GRID1: variants seen among roughly 807,000 people sequenced by gnomAD.
GRID1 encodes the protein glutamate ionotropic receptor delta type subunit 1, also known as glutamate receptor ionotropic, delta-1.
A neutral mutation model predicts 98.0 loss-of-function variants in GRID1; 28 were observed. The ratio of observed to expected loss-of-function variants is 0.29; its 90% CI spans 0.21 to 0.39. GRID1 has a LOEUF of 0.39. GRID1 is among the 10% of genes least tolerant of loss of function. The pLI is 1.00. For missense variants in GRID1, 1,111 were observed against 1,340.5 expected, an observed-to-expected ratio of 0.83 and a Z score of 2.67; for synonymous variants, 553 against 538.5, an observed-to-expected ratio of 1.03 and a Z score of -0.37.
chr10:86,196,881 T>C (rs770783353), intron 3 of GRID1, among the ~76,000 whole-genome samples: 4 of 151,776 alleles, frequency 2.6e-5, no homozygotes, highest in East Asian at 1.9e-4. Context: ...ACTGCTGTAA[T>C]TGGTAAACTC....
intron 4 of GRID1, among the ~76,000 whole-genome samples, chr10:85,939,467 T>A (rs1286795192): frequency 6.6e-6 from 1 of 152,216 alleles, no homozygotes; most frequent in East Asian, 1.9e-4. Context: ...CTAGAGGCCC[T>A]AGGATAGAGT....
At chr10:85,945,527 A>G (rs1484753703) in intron 4 of GRID1, among the ~76,000 whole-genome samples, 1 of 152,166 alleles carries the variant, frequency 6.6e-6, no homozygotes, top group Non-Finnish European at 1.5e-5. Flanking sequence ...TTGCTTCCTC[A>G]ATCTTAGCAA....
chr10:85,641,677 G>A (rs553154593), intron 13 of GRID1, among the ~76,000 whole-genome samples: 1 of 152,176 alleles, frequency 6.6e-6, no homozygotes, highest in Admixed American at 6.5e-5. Context: ...TCAAGTAGTC[G>A]GTTTCAGATG....
chr10:86,004,614 T>C (rs1160048868), intron 4 of GRID1, among the ~76,000 whole-genome samples: 1 of 152,308 alleles, frequency 6.6e-6, no homozygotes, highest in East Asian at 1.9e-4. Context: ...TCTGCATTAT[T>C]GGCCCTCTCC....
chr10:86,163,755 C>T (rs1845357158), intron 3 of GRID1, among the ~76,000 whole-genome samples: 1 of 152,178 alleles, frequency 6.6e-6, no homozygotes, highest in Non-Finnish European at 1.5e-5. Context: ...TTTGTTGAGT[C>T]CCCACTCGGT....
chr10:85,921,525 C>G (rs901955443), intron 4 of GRID1, among the ~76,000 whole-genome samples: 4 of 152,210 alleles, frequency 2.6e-5, no homozygotes, highest in African/African-American at 9.6e-5. Context: ...CCCTGGCCAC[C>G]CTGATCTCAC....
rs765328558 is a variant in GRID1 at position 85,602,327 on chromosome 10, C to A, written c.2976G>T (p.Val992=). ...GAGCCTCTGGAAGGACGCCTCCAGG[C>A]ACGGGCTGGAAGGACATGGGGATGG... ...KTPIPMSFQP[V]PGGVLPEALD... Residue 992 remains valine, a synonymous_variant, in exon 16 of 16, where the codon GTG becomes GTT. Coordinates refer to ENST00000327946, the MANE Select transcript of GRID1 (RefSeq NM_017551.3). The A allele has an allele frequency of 3.3e-5, 52 of 1,558,648 alleles. No homozygotes were observed. The highest frequency in any genetic ancestry group is 4.4e-5 in the Non-Finnish European group (51 of 1,150,986).
chr10:85,733,503 G>T lies in GRID1; in HGVS notation c.1234-3889C>A, dbSNP rs75665986. On this transcript the variant is annotated intron_variant, in intron 8 of 15. Transcript: ENST00000327946. ...TTCTAATTGTTGTCACCACTTACCT[G>T]AGTGACCTCAGATAGCACTTGACAG... is the stretch of plus-strand genomic sequence containing the variant. Among the ~76,000 whole-genome samples the T allele has an allele frequency of 4.9e-3, 743 of 152,308 alleles. 12 individuals are homozygous for T. The highest frequency in any genetic ancestry group is 0.017 in the African/African-American group (709 of 41,566).
intron 2 of GRID1, among the ~76,000 whole-genome samples, chr10:86,358,323 A>G (rs929698831): frequency 6.6e-6 from 1 of 152,226 alleles, no homozygotes; most frequent in Non-Finnish European, 1.5e-5. Flanking sequence ...GACAATGCAT[A>G]TTGGGCACAG....
chr10:86,236,413 G>A lies in GRID1; in HGVS notation c.236-29765C>T, dbSNP rs73349965. On this transcript the variant is annotated intron_variant, in intron 2 of 15. Transcript: ENST00000327946. Reference sequence around the variant, plus strand: ...TGTTGTAGTAAAGAACAAGGATGATGAGTGCCTAGTGTGTCACATAGGCCA... The same window carrying A: ...TGTTGTAGTAAAGAACAAGGATGATAAGTGCCTAGTGTGTCACATAGGCCA... Among the ~76,000 whole-genome samples the A allele has an allele frequency of 7.6e-3, 1,157 of 152,292 alleles. 15 individuals carry two copies. Among genetic ancestry groups the A allele is most frequent in the African/African-American group, 0.027 (1,120 of 41,550 alleles).
intron 4 of GRID1, among the ~76,000 whole-genome samples, chr10:86,107,912 C>G (rs927236225): frequency 6.6e-6 from 1 of 152,158 alleles, no homozygotes; most frequent in Non-Finnish European, 1.5e-5. Context: ...AGAGCCACTC[C>G]CACTCAATAA....
chr10:85,884,086 G>GA (rs944165180), intron 5 of GRID1, among the ~76,000 whole-genome samples: 1 of 152,164 alleles, frequency 6.6e-6, no homozygotes, highest in African/African-American at 2.4e-5. Context: ...AATTAAATCT[G>GA]AAGCTCACAT....
chr10:86,034,962 T>A (rs368758696), intron 4 of GRID1, among the ~76,000 whole-genome samples: 1 of 144,424 alleles, frequency 6.9e-6, no homozygotes, highest in African/African-American at 2.6e-5. Flanking sequence ...GGATAGATGG[T>A]TGGATGGATG....
chr10:85,816,432 A>T lies in GRID1; in HGVS notation c.1233+38064T>A, dbSNP rs571491110. On this transcript the variant is annotated intron_variant, in intron 8 of 15. Coordinates refer to ENST00000327946, the MANE Select transcript of GRID1 (RefSeq NM_017551.3). ...AGAAGACAGACCCCAAAGGCTACAT[A>T]CATATCATGTAACTCACTTATAAAA... Among the ~76,000 whole-genome samples, 3 of 152,346 alleles carry T rather than the reference A, an allele frequency of 2.0e-5. No homozygotes were observed. The East Asian group carries it at 5.8e-4, about 29-fold the overall frequency.
chr10:86,122,567 C>A (rs186699822), intron 4 of GRID1, among the ~76,000 whole-genome samples: 262 of 152,316 alleles, frequency 1.7e-3, no homozygotes, highest in African/African-American at 5.9e-3. Context: ...CCACTGGGTG[C>A]CTGGATAACT....
At chr10:86,007,800 G>T (rs1321336162) in intron 4 of GRID1, among the ~76,000 whole-genome samples, 2 of 149,530 alleles carry the variant, frequency 1.3e-5, no homozygotes, top group African/African-American at 2.5e-5. Context: ...CCTCAGTTTT[G>T]TTTTTTTTGT....
rs565752727 is a variant in GRID1, at chr10:85,938,548, T to C, written c.727-22309A>G. Among the ~76,000 whole-genome samples the C allele has an allele frequency of 2.9e-4, 44 of 152,326 alleles. 1 individual carries two copies. Among genetic ancestry groups the C allele is most frequent in the South Asian group, 1.9e-3 (9 of 4,822 alleles). ...GGGGTAGTTTCTCTCATGGTTCCTA[T>C]TCTACAAATGAGAAAAGTGAGCCTC... On this transcript the variant is annotated intron_variant, in intron 4 of 15. Transcript: ENST00000327946.
At chr10:85,973,842 C>T (rs1297459511) in intron 4 of GRID1, among the ~76,000 whole-genome samples, 3 of 152,208 alleles carry the variant, frequency 2.0e-5, no homozygotes, top group Non-Finnish European at 4.4e-5. Flanking sequence ...AGCCAAAGAG[C>T]ATGGGTTCTG....
intron 12 of GRID1, among the ~76,000 whole-genome samples, chr10:85,720,683 C>A (rs577182921): frequency 2.7e-4 from 39 of 145,478 alleles, no homozygotes; most frequent in Middle Eastern, 3.7e-3. Flanking sequence ...GAAAAAAAAA[C>A]CCCAAAACTC....
Sources: allele counts gnomAD v4.1 joint callset (sites outside exome capture counted in the v4.1 genomes callset), GRCh38; gene constraint gnomAD v4.1.1; transcripts MANE v1.5; gene names NCBI Gene and HGNC (gene_info 2026-07-23, HGNC 2026-07-21).